The following USP47 variants were observed in gnomAD, a reference collection of about 807,000 sequenced individuals.
USP47 encodes the protein ubiquitin specific peptidase 47.
In USP47, 35 loss-of-function variants were observed where a neutral mutation model predicts 165.1. The ratio of observed to expected loss-of-function variants is 0.21; its 90% CI spans 0.16 to 0.28. The LOEUF is 0.28. Ranked by LOEUF, USP47 falls within the 10% of genes least tolerant of loss-of-function variation. USP47 has a pLI of 1.00. For synonymous variants in USP47, 531 were observed against 544.5 expected, an observed-to-expected ratio of 0.98 and a Z score of 0.35; for missense variants, 1,277 against 1,607.4, an observed-to-expected ratio of 0.79 and a Z score of 3.52.
chr11:11,936,149 A>G (rs560172094), intron 16 of USP47, among the ~76,000 whole-genome samples, 154 bp from the exon 17 acceptor site: 1 of 151,640 alleles, frequency 6.6e-6, no homozygotes, highest in South Asian at 2.1e-4. Flanking sequence ...TGTAACTTTG[A>G]TGTCTTTGAT....
At chr11:11,844,164 T>C (rs1171462797) in intron 1 of USP47, among the ~76,000 whole-genome samples, 1 of 152,158 alleles carries the variant, frequency 6.6e-6, no homozygotes, top group African/African-American at 2.4e-5. Flanking sequence ...ACCAAATTCT[T>C]TGACTTTTTT....
chr11:11,848,263 T>C (rs1419691536), intron 1 of USP47, among the ~76,000 whole-genome samples: 1 of 152,216 alleles, frequency 6.6e-6, no homozygotes, highest in East Asian at 1.9e-4. Context: ...ACAGTGTGCT[T>C]GCACAAACCT....
At chr11:11,892,191 A>G (rs887476339) in intron 4 of USP47, 85 bp downstream of exon 4, 3 of 1,426,090 alleles carry the variant, frequency 2.1e-6, no homozygotes, top group Non-Finnish European at 2.8e-6. Context: ...CTCTTATTTT[A>G]TGGATAAGAA....
At chr11:11,927,617 G>A (rs1027224022) in intron 11 of USP47, among the ~76,000 whole-genome samples, 4 of 152,044 alleles carry the variant, frequency 2.6e-5, no homozygotes, top group African/African-American at 9.7e-5. Context: ...TTTAATCTGT[G>A]TGCCTTTCAT....
At chr11:11,909,119 G>A (rs1289100378) in intron 8 of USP47, among the ~76,000 whole-genome samples, 3 of 152,100 alleles carry the variant, frequency 2.0e-5, no homozygotes, top group Non-Finnish European at 4.4e-5. Context: ...TTAGATTAAG[G>A]TGATTTAAGA....
At chr11:11,897,536 A>G in intron 4 of USP47, 61 bp from the exon 5 acceptor site, 1 of 1,202,190 alleles carries the variant, frequency 8.3e-7, no homozygotes, top group South Asian at 1.6e-5. Flanking sequence ...AATTCTTATT[A>G]TGTTTTTGTT....
chr11:11,948,240 T>G, intron 21 of USP47, 120 bp downstream of exon 21: 1 of 1,201,900 alleles, frequency 8.3e-7, no homozygotes. Flanking sequence ...TTTTAATGAT[T>G]AATGGTAATT....
In USP47 at chr11:11,961,196, C is replaced by T. The variant is rs191887155; in HGVS notation, c.*5021C>T. The stretch of plus-strand genomic sequence containing the variant: ...AACCCTGTATCCTGTGATTATTTAC[C>T]TGACAGGGCAAAAGAGATTTTGCAG... On this transcript the variant is annotated 3_prime_UTR_variant, in exon 28 of 28. Coordinates refer to ENST00000527733, the MANE Select transcript of USP47 (RefSeq NM_001282659.2). Among the ~76,000 whole-genome samples the T allele has an allele frequency of 6.6e-6, 1 of 152,334 alleles. No homozygotes were observed. Among genetic ancestry groups the T allele is most frequent in the East Asian group, 1.9e-4 (1 of 5,182 alleles).
At chr11:11,931,563 A>G (rs1039749168) in intron 14 of USP47, among the ~76,000 whole-genome samples, 2 of 152,174 alleles carry the variant, frequency 1.3e-5, no homozygotes, top group Non-Finnish European at 2.9e-5. Flanking sequence ...ATTGTAATTC[A>G]TGTCCCTCAC....
chr11:11,908,928 T>C (rs1178453715), intron 8 of USP47, among the ~76,000 whole-genome samples: 1 of 152,160 alleles, frequency 6.6e-6, no homozygotes, highest in African/African-American at 2.4e-5. Context: ...TGGGAAACTA[T>C]AACAATAATC....
chr11:11,942,905 G>A lies in USP47; in HGVS notation c.2884G>A (p.Ala962Thr). ...TGCAGACAATGCTCAGATCCCTTTG[G>A]CTAATGGACTTGACTCTCACAGTAT... ...CNADNAQIPLANGLDSHSITS... is the reference protein window; with the variant it reads ...CNADNAQIPLTNGLDSHSITS... Residue 962 changes from alanine (A) to threonine (T), a missense_variant, in exon 20 of 28, where the codon GCT becomes ACT. Transcript: ENST00000527733. The A allele has an allele frequency of 8.1e-6, 13 of 1,613,552 alleles. No homozygotes were observed. Among genetic ancestry groups the A allele is most frequent in the Non-Finnish European group, 1.0e-5 (12 of 1,179,678 alleles).
chr11:11,930,681 T>C lies in USP47; in HGVS notation c.1596-15T>C. ...TACTTTTTGTCCTTATTAATCTTTT[T>C]TATGTTTCTACTAGTTCCACAAATG... On this transcript the variant is annotated splice_polypyrimidine_tract_variant and intron_variant, in intron 13 of 27. Transcript: ENST00000527733. 6.3e-7 allele frequency: 1 copy of C among 1,585,884 alleles called. No homozygotes were observed. Among genetic ancestry groups the C allele is most frequent in the Non-Finnish European group, 8.6e-7 (1 of 1,166,680 alleles).
intron 1 of USP47, among the ~76,000 whole-genome samples, chr11:11,848,623 T>C (rs1848556754): frequency 6.6e-6 from 1 of 150,948 alleles, no homozygotes; most frequent in Admixed American, 6.6e-5. Flanking sequence ...TTTTTTTTTT[T>C]TTTTGAGACG....
In USP47 at chr11:11,863,821, A is replaced by G. The variant is rs147255706; in HGVS notation, c.40-16356A>G. ...AGTGCGAGCCCTTTCACCTGACTTT[A>G]TATGTCCTCTTAACGTACATACACC... On this transcript the variant is annotated intron_variant, in intron 1 of 27. Transcript: ENST00000527733. Among the ~76,000 whole-genome samples, 1,296 of 152,210 alleles carry G rather than the reference A, an allele frequency of 8.5e-3. 11 individuals carry two copies. The highest frequency in any genetic ancestry group is 0.029 in the African/African-American group (1,225 of 41,556).
At chr11:11,871,454 G>T (rs1045506510) in intron 1 of USP47, among the ~76,000 whole-genome samples, 16 of 132,244 alleles carry the variant, frequency 1.2e-4, no homozygotes, top group African/African-American at 2.5e-4. Flanking sequence ...AGTGAGCTGA[G>T]ATCGTGCCAC....
intron 10 of USP47, among the ~76,000 whole-genome samples, chr11:11,920,811 G>A (rs1028804600): frequency 9.2e-5 from 14 of 151,700 alleles, no homozygotes; most frequent in South Asian, 8.3e-4. Context: ...TTATAATTTC[G>A]TCGTTATTGA....
intron 19 of USP47, 93 bp downstream of exon 19, chr11:11,940,641 C>G: frequency 7.6e-7 from 1 of 1,323,918 alleles, no homozygotes; most frequent in Non-Finnish European, 1.0e-6. Flanking sequence ...CACAGCTGTT[C>G]AACATCTGTC....
intron 3 of USP47, among the ~76,000 whole-genome samples, chr11:11,886,262 G>A (rs187415602): frequency 3.9e-5 from 6 of 152,300 alleles, no homozygotes; most frequent in African/African-American, 1.4e-4. Flanking sequence ...TGAATTGACA[G>A]AAGGAGGTTT....
At chr11:11,885,172 C>T (rs373161643) in intron 3 of USP47, among the ~76,000 whole-genome samples, 2 of 152,016 alleles carry the variant, frequency 1.3e-5, no homozygotes, top group South Asian at 2.1e-4. Context: ...GCTATTCCAC[C>T]AGAGATTTTT....
Sources: allele counts gnomAD v4.1 joint callset (sites outside exome capture counted in the v4.1 genomes callset), GRCh38; gene constraint gnomAD v4.1.1; transcripts MANE v1.5; gene names NCBI Gene and HGNC (gene_info 2026-07-23, HGNC 2026-07-21).